GABBR2: variants seen among roughly 807,000 people sequenced by gnomAD.
GABBR2 encodes gamma-aminobutyric acid type B receptor subunit 2.
Under a neutral mutation model 105.6 loss-of-function variants are expected in GABBR2, and 23 were observed. That is an observed-to-expected ratio of 0.22 (90% CI 0.16 to 0.31). The LOEUF is 0.31. Among genes scored for constraint, GABBR2 ranks in the 10% least tolerant of loss-of-function variants. The pLI is 1.00. For synonymous variants in GABBR2, 478 were observed against 499.7 expected (o/e 0.96, Z 0.58); for missense variants, 734 against 1,245.5 (o/e 0.59, Z 6.18).
At chr9:98,356,166 C>A (rs1487023560) in intron 13 of GABBR2, among the ~76,000 whole-genome samples, 2 of 151,876 alleles carry the variant, frequency 1.3e-5, no homozygotes, top group Non-Finnish European at 2.9e-5. Flanking sequence ...AAAGTATGAT[C>A]CATGAAAGAA....
At chr9:98,394,097 G>A (rs1588138360) in intron 9 of GABBR2, 78 bp downstream of exon 9, 10 of 1,016,026 alleles carry the variant, frequency 9.8e-6, no homozygotes, top group East Asian at 9.5e-5. Context: ...TGCTGAGCTT[G>A]TCCCTAACCC....
intron 3 of GABBR2, among the ~76,000 whole-genome samples, chr9:98,507,227 G>C (rs758907909): frequency 1.4e-4 from 21 of 152,154 alleles, no homozygotes; most frequent in Non-Finnish European, 2.9e-4. Context: ...TGTGGCAAAG[G>C]GGACTTTGCA....
chr9:98,618,406 T>C (rs1564132267), intron 1 of GABBR2, among the ~76,000 whole-genome samples: 1 of 152,058 alleles, frequency 6.6e-6, no homozygotes, highest in Non-Finnish European at 1.5e-5. Flanking sequence ...GTATCTCTAA[T>C]TTAATGACAT....
At chr9:98,366,135 C>T (rs1056128490) in intron 12 of GABBR2, among the ~76,000 whole-genome samples, 12 of 152,150 alleles carry the variant, frequency 7.9e-5, no homozygotes, top group Admixed American at 2.6e-4. Flanking sequence ...AACCAGTTTC[C>T]TCATCTAGAA....
At chr9:98,651,136 C>T (rs1418977881) in intron 1 of GABBR2, among the ~76,000 whole-genome samples, 2 of 129,002 alleles carry the variant, frequency 1.6e-5, no homozygotes, top group Non-Finnish European at 3.2e-5. Context: ...CATACACACA[C>T]TGGTTTTTTT....
intron 9 of GABBR2, 27 bp downstream of exon 9, chr9:98,394,148 C>G: frequency 2.6e-6 from 4 of 1,543,966 alleles, no homozygotes; most frequent in Non-Finnish European, 2.7e-6. Context: ...GGCAGGCCCC[C>G]TCCTCTGAGA....
In GABBR2 at chr9:98,393,137, TC is replaced by T. The variant is rs1280515454; in HGVS notation, c.1378+1037del. 4.6e-5 allele frequency among the ~76,000 whole-genome samples: 6 copies of T among 130,942 alleles called. No individual in the cohort carries two copies. In the East Asian group the frequency reaches 9.3e-4, roughly 20 times the overall value. The allele number at this position is 130,942 out of a possible 152,430, so 85.9% of individuals were successfully genotyped here. A position where few individuals can be genotyped will look rare whatever the true frequency, so the allele number is the denominator to read the frequency against. On this transcript the variant is annotated intron_variant, in intron 9 of 18. Coordinates refer to ENST00000259455, the MANE Select transcript of GABBR2 (RefSeq NM_005458.8). ...ATCCACTCATCCACCCAACCATCCA[TC>T]CATCCACTCATCCACCAACCCATCC...
At chr9:98,589,934 T>G (rs977309117) in intron 1 of GABBR2, among the ~76,000 whole-genome samples, 12 of 152,146 alleles carry the variant, frequency 7.9e-5, no homozygotes, top group South Asian at 2.1e-4. Flanking sequence ...AAACTGGTCT[T>G]GAACTCCTGG....
chr9:98,413,896 A>G (rs1250873973), intron 7 of GABBR2, among the ~76,000 whole-genome samples: 1 of 152,248 alleles, frequency 6.6e-6, no homozygotes, highest in Non-Finnish European at 1.5e-5. Context: ...ATTTAGAACA[A>G]CAAAATATCA....
intron 7 of GABBR2, among the ~76,000 whole-genome samples, chr9:98,410,460 T>C (rs142701568): frequency 1.1e-3 from 160 of 151,204 alleles, no homozygotes; most frequent in Non-Finnish European, 1.8e-3. Flanking sequence ...AGGGAAGCGG[T>C]CATGGGAGAT....
chr9:98,390,055 A>G (rs1185699297), intron 9 of GABBR2, among the ~76,000 whole-genome samples: 1 of 152,162 alleles, frequency 6.6e-6, no homozygotes, highest in Non-Finnish European at 1.5e-5. Context: ...AAACACTGCT[A>G]GCAAGTTCAA....
intron 5 of GABBR2, among the ~76,000 whole-genome samples, chr9:98,477,296 G>A (rs1034255333): frequency 2.6e-5 from 4 of 152,210 alleles, no homozygotes; most frequent in African/African-American, 9.7e-5. Context: ...CTGGAATGCT[G>A]TGGCATGACC....
At chr9:98,614,032 A>G (rs1443836231) in intron 1 of GABBR2, among the ~76,000 whole-genome samples, 1 of 152,260 alleles carries the variant, frequency 6.6e-6, no homozygotes, top group Non-Finnish European at 1.5e-5. Context: ...CATCAGATTC[A>G]GTAAAGGAGA....
At chr9:98,491,235 C>T (rs1481695771) in intron 4 of GABBR2, among the ~76,000 whole-genome samples, 2 of 152,204 alleles carry the variant, frequency 1.3e-5, no homozygotes, top group South Asian at 2.1e-4. Context: ...ATCTTGAACA[C>T]GCTTTGGTCT....
chr9:98,634,312 T>A (rs1829851834), intron 1 of GABBR2, among the ~76,000 whole-genome samples: 1 of 152,206 alleles, frequency 6.6e-6, no homozygotes, highest in Admixed American at 6.5e-5. Flanking sequence ...ATGGATTGCC[T>A]AGTGTCCCCG....
At chr9:98,706,556 C>T (rs184740315) in intron 1 of GABBR2, among the ~76,000 whole-genome samples, 31 of 152,288 alleles carry the variant, frequency 2.0e-4, no homozygotes, top group African/African-American at 7.2e-4. Flanking sequence ...CATCAAGACA[C>T]ACTCGAAAAA....
intron 1 of GABBR2, among the ~76,000 whole-genome samples, chr9:98,698,854 G>A (rs1830791229): frequency 6.6e-6 from 1 of 152,114 alleles, no homozygotes. Context: ...GTCACCATCA[G>A]GGAGACGGTC....
In GABBR2 at chr9:98,306,102, G is replaced by T. The variant is rs1322053295; in HGVS notation, c.2229+19C>A. 1.0e-5 allele frequency: 16 copies of T among 1,581,172 alleles called. No individual in the cohort carries two copies. The highest frequency in any genetic ancestry group is 1.4e-5 in the Non-Finnish European group (16 of 1,151,192). On this transcript the variant is annotated intron_variant, in intron 15 of 18. Transcript: ENST00000259455. The surrounding 1 kb of genome is among the most constrained non-coding windows in gnomAD (Gnocchi z 5.4). The stretch of plus-strand genomic sequence containing the variant: ...GGAGTCAGAGGGCAGAGGCCAGGTG[G>T]TGGGGCCAGCGCCTGTACCTTCGGC...
At chr9:98,405,396 A>G (rs1832472032) in intron 8 of GABBR2, among the ~76,000 whole-genome samples, 1 of 152,062 alleles carries the variant, frequency 6.6e-6, no homozygotes, top group East Asian at 1.9e-4. Context: ...TTGCCACTGC[A>G]CTCCAGCCAG....
Sources: gnomAD v4.1 joint callset for allele counts (sites outside exome capture counted in the v4.1 genomes callset) on GRCh38, gnomAD v4.1.1 for gene constraint, Gnocchi (gnomAD v3.1) non-coding constraint, MANE v1.5 for transcripts, NCBI Gene and HGNC (gene_info 2026-07-23, HGNC 2026-07-21) for gene names.